The following CASTOR2 variants were observed in gnomAD, a reference collection of about 807,000 sequenced individuals.
The protein encoded by CASTOR2 is GATS protein like 2.
Under a neutral mutation model 31.2 loss-of-function variants are expected in CASTOR2, and 8 were observed. The ratio of observed to expected loss-of-function variants is 0.26; its 90% confidence interval spans 0.15 to 0.46. The LOEUF (loss-of-function observed/expected upper bound fraction) is 0.46, where lower values mean the gene tolerates loss of function less well. CASTOR2 is among the 20% of genes least tolerant of loss of function. The pLI, the probability that CASTOR2 is intolerant of heterozygous loss-of-function variation, is 0.99. For missense variants in CASTOR2, 216 were observed against 382.1 expected (o/e 0.57, Z 3.62); for synonymous variants, 162 against 158.7 (o/e 1.02, Z -0.16).
intron 1 of CASTOR2, among the ~76,000 whole-genome samples, chr7:74,987,945 T>G (rs1804111178): frequency 1.3e-5 from 2 of 151,622 alleles, no homozygotes; most frequent in Admixed American, 6.6e-5. Context: ...TGACCTCAAG[T>G]GATACACCCG....
intron 1 of CASTOR2, among the ~76,000 whole-genome samples, chr7:75,000,533 C>G (rs1804469636): frequency 6.6e-6 from 1 of 152,082 alleles, no homozygotes. Flanking sequence ...AAACAGGCGC[C>G]CATAACATCC....
chr7:75,017,689 G>T lies in CASTOR2; in HGVS notation c.276G>T (p.Gln92His). 6.2e-7 allele frequency: 1 copy of T among 1,614,036 alleles called. No homozygotes were observed. The highest frequency in any genetic ancestry group is 1.1e-5 in the South Asian group (1 of 91,082). ...GCGGTGGCAGCTTCTCCAGCTCCCAGCCCATCGGCGTGACCAAGATCGCCA... is the reference window on the plus strand; with the variant it reads ...GCGGTGGCAGCTTCTCCAGCTCCCATCCCATCGGCGTGACCAAGATCGCCA... Reference protein sequence around the residue: ...VSGGGSFSSSQPIGVTKIAKS... With the variant: ...VSGGGSFSSSHPIGVTKIAKS... The change falls in exon 3 of 9, where the codon CAG becomes CAT. Residue 92 changes from glutamine to histidine, a missense_variant. Gln to His is a conservative substitution (Grantham distance 24). This residue lies in a region of CASTOR2 where 114 missense variants were observed against 194.2 expected (regional missense o/e 0.59). Transcript: ENST00000616305.
intron 7 of CASTOR2, among the ~76,000 whole-genome samples, chr7:75,023,491 T>TG (rs1458408330): frequency 9.2e-5 from 13 of 140,820 alleles, no homozygotes; most frequent in South Asian, 2.2e-4. Context: ...TTTTTTTTTT[T>TG]GAGACCGGAT....
At chr7:75,017,474 G>A in intron 2 of CASTOR2, 124 bp from the exon 3 acceptor site, 1 of 1,191,208 alleles carries the variant, frequency 8.4e-7, no homozygotes, top group Non-Finnish European at 1.2e-6. Context: ...GTTGGAAAGT[G>A]AGGCAAGGCA....
chr7:74,988,020 T>TA (rs1315172188), intron 1 of CASTOR2, among the ~76,000 whole-genome samples: 4 of 151,470 alleles, frequency 2.6e-5, no homozygotes, highest in African/African-American at 7.3e-5. Flanking sequence ...TTTTTTTTTT[T>TA]AATAATATTT....
chr7:74,990,488 G>C (rs1413207703), intron 1 of CASTOR2, among the ~76,000 whole-genome samples: 40 of 152,224 alleles, frequency 2.6e-4, no homozygotes, highest in African/African-American at 8.9e-4. Context: ...GCAGACCAAG[G>C]CAGGAAGATC....
intron 1 of CASTOR2, among the ~76,000 whole-genome samples, chr7:75,004,577 G>T (rs1482331679): frequency 1.3e-5 from 2 of 151,842 alleles, no homozygotes; most frequent in African/African-American, 2.4e-5. Flanking sequence ...CTCCCAAGTG[G>T]CTGGGATTAC....
At chr7:75,004,826 A>G (rs1804572414) in intron 1 of CASTOR2, among the ~76,000 whole-genome samples, 1 of 151,802 alleles carries the variant, frequency 6.6e-6, no homozygotes, top group South Asian at 2.1e-4. Context: ...TTTTTAGCAG[A>G]TAGTTCTTTG....
chr7:74,993,070 C>T (rs1339702403), intron 1 of CASTOR2, among the ~76,000 whole-genome samples: 7 of 151,850 alleles, frequency 4.6e-5, no homozygotes, highest in Middle Eastern at 3.4e-3. Context: ...TGTGGTGGCA[C>T]GCGCCTGTAG....
Position 75,024,706 on chromosome 7 carries a change from C to G in CASTOR2, c.*7C>G. ...CCAAGCAGAGAAGCACTAGAAGGGTCTCTTCTGCTCCTCCCTGCCGCCGCC... is the reference window on the plus strand; with the variant it reads ...CCAAGCAGAGAAGCACTAGAAGGGTGTCTTCTGCTCCTCCCTGCCGCCGCC... On this transcript the variant is annotated 3_prime_UTR_variant, in exon 9 of 9. Transcript: ENST00000616305. 1 of 1,551,608 alleles carries G rather than the reference C, an allele frequency of 6.4e-7. No individual in the cohort carries two copies.
In CASTOR2 at chr7:75,020,036, C is replaced by T; in HGVS notation, c.636-3C>T. On this transcript the variant is annotated splice_polypyrimidine_tract_variant and splice_region_variant and intron_variant, in intron 5 of 8. Coordinates refer to ENST00000616305, the MANE Select transcript of CASTOR2 (RefSeq NM_001145064.3). ...ATCTTTACCAGCTGCCTCTGGTCCC[C>T]AGAGTGAAGGACCCCATGGCCACTG... 6.4e-7 allele frequency: 1 copy of T among 1,551,294 alleles called. No individual in the cohort carries two copies. The highest frequency in any genetic ancestry group is 8.7e-7 in the Non-Finnish European group (1 of 1,146,796).
intron 7 of CASTOR2, among the ~76,000 whole-genome samples, chr7:75,023,113 C>T (rs1805043409): frequency 6.6e-6 from 1 of 152,080 alleles, no homozygotes; most frequent in African/African-American, 2.4e-5. Flanking sequence ...TCGAGATCAT[C>T]CTGGCTAACA....
intron 1 of CASTOR2, among the ~76,000 whole-genome samples, chr7:74,987,163 G>A (rs1465015099): frequency 2.6e-5 from 4 of 152,040 alleles, no homozygotes; most frequent in Non-Finnish European, 5.9e-5. Flanking sequence ...TCAGCACTTC[G>A]GGAGGCCAAG....
rs1219455373 is a variant in CASTOR2 at position 74,972,357 on chromosome 7, C to G, written c.113+7259C>G. Among the ~76,000 whole-genome samples, 9 of 149,588 alleles carry G rather than the reference C, an allele frequency of 6.0e-5. No homozygotes were observed. In the Admixed American group the frequency reaches 6.1e-4, roughly 10 times the overall value. On this transcript the variant is annotated intron_variant, in intron 1 of 8. Coordinates refer to ENST00000616305, the MANE Select transcript of CASTOR2 (RefSeq NM_001145064.3). ...CTGGTCTCGAACTCCTGACCTCAGA[C>G]GCTCCACCTGCCTTGGCCTCCCCAA...
chr7:75,019,756 A>G (rs1804949714), intron 5 of CASTOR2, among the ~76,000 whole-genome samples: 1 of 152,242 alleles, frequency 6.6e-6, no homozygotes, highest in South Asian at 2.1e-4. Context: ...GGCAGGGTCC[A>G]GCATGCTGAC....
intron 6 of CASTOR2, 47 bp downstream of exon 6, chr7:75,020,196 G>T: frequency 6.6e-7 from 1 of 1,508,534 alleles, no homozygotes; most frequent in Non-Finnish European, 9.0e-7. Context: ...TGGGCCCCAG[G>T]GTCTGGGGGG....
In CASTOR2 at chr7:75,003,975, C is replaced by T. The variant is rs1284415372; in HGVS notation, c.114-4019C>T. 1.9e-3 allele frequency among the ~76,000 whole-genome samples: 285 copies of T among 152,256 alleles called. 1 individual carries two copies. Among genetic ancestry groups the T allele is most frequent in the Non-Finnish European group, 2.9e-3 (200 of 68,006 alleles). ...ATTTATACTCCATTTACACACAGGC[C>T]GCTGTTGCCTTCTGCTGGTGTTTAT... On this transcript the variant is annotated intron_variant, in intron 1 of 8. Coordinates refer to ENST00000616305, the MANE Select transcript of CASTOR2 (RefSeq NM_001145064.3).
At chr7:75,012,180 TGAG>T (rs1237174109) in intron 2 of CASTOR2, among the ~76,000 whole-genome samples, 5 of 152,098 alleles carry the variant, frequency 3.3e-5, no homozygotes, top group African/African-American at 1.2e-4. Context: ...TAGGACAGTC[TGAG>T]AAGACTCTCA....
chr7:75,020,731 T>C (rs1023071439), intron 6 of CASTOR2, among the ~76,000 whole-genome samples: 12 of 152,228 alleles, frequency 7.9e-5, no homozygotes, highest in Non-Finnish European at 1.8e-4. Flanking sequence ...CCTTGTGATC[T>C]GCCCGCCCCG....
Sources: allele counts gnomAD v4.1 joint callset (sites outside exome capture counted in the v4.1 genomes callset), GRCh38; gene constraint gnomAD v4.1.1; regional missense constraint gnomAD v4.1.1; transcripts MANE v1.5; gene names NCBI Gene and HGNC (gene_info 2026-07-23, HGNC 2026-07-21).